NOTCH2NLR: variants seen among roughly 807,000 people sequenced by gnomAD.
NOTCH2NLR encodes notch 2 N-terminal like R, also known as notch 2 N-terminal like R (pseudogene).
In NOTCH2NLR, 33 loss-of-function variants were observed where a neutral mutation model predicts 35.6. That is an observed-to-expected ratio of 0.93 (90% confidence interval 0.70 to 1.24). The LOEUF is 1.24. Ranked by LOEUF, NOTCH2NLR falls within the 50% of genes most tolerant of loss-of-function variation. The pLI, the probability that NOTCH2NLR is intolerant of heterozygous loss-of-function variation, is 0.00. For synonymous variants in NOTCH2NLR, 103 were observed against 141.0 expected (o/e 0.73, Z 1.91); for missense variants, 276 against 362.2 (o/e 0.76, Z 1.93).
chr1:120,765,403 T>C (rs1651180342), intron 2 of NOTCH2NLR, among the ~76,000 whole-genome samples: 1 of 63,604 alleles, frequency 1.6e-5, no homozygotes, highest in East Asian at 2.9e-4. Context: ...CTTAGTCTTA[T>C]GCATTTTTTG....
rs1651514243 is a variant in NOTCH2NLR at position 120,793,298 on chromosome 1, G to A, written c.553G>A (p.Glu185Lys). 9.3e-6 allele frequency: 13 copies of A among 1,392,834 alleles called. 5 individuals are homozygous for A. Among genetic ancestry groups the A allele is most frequent in the East Asian group, 2.4e-5 (1 of 42,442 alleles). 86.3% of individuals were successfully genotyped at this position (1,392,834 alleles called of 1,614,324 possible). A position where few individuals can be genotyped will look rare whatever the true frequency, so the allele number is the denominator to read the frequency against. Residue 185 changes from glutamate to lysine, a missense_variant, in exon 4 of 5, where the codon GAG (glutamate) becomes AAG (lysine). Coordinates refer to ENST00000624419, the Ensembl canonical transcript of NOTCH2NLR. ...GCAGAAGTGTGAGACTGATGTCAAT[G>A]AGTGTGACATTCCAGGACACTGCCA...
intron 1 of NOTCH2NLR, among the ~76,000 whole-genome samples, chr1:120,743,826 T>A (rs1294029255): frequency 7.9e-6 from 1 of 126,958 alleles, no homozygotes; most frequent in Non-Finnish European, 1.6e-5. Flanking sequence ...ATTTAACAAA[T>A]AGGTTTTGCA....
exon 4 of NOTCH2NLR, chr1:120,793,410 A>T (rs1651516189): frequency 6.9e-7 from 1 of 1,441,836 alleles, no homozygotes; most frequent in Non-Finnish European, 9.3e-7. Context: ...GACAGACTGT[A>T]TGTGCCCTGT....
At position 120,769,608 on chromosome 1, in the gene NOTCH2NLR, A is replaced by G. The variant is rs1272068635; in HGVS notation, c.155+5899A>G. The stretch of plus-strand genomic sequence containing the variant: ...TTGGCTCATTAAATACCTCTCATAG[A>G]GTAATCTTTTCTTAAAATGTAATGT... On this transcript the variant is annotated intron_variant, in intron 2 of 4. Coordinates refer to ENST00000624419, the Ensembl canonical transcript of NOTCH2NLR. Among the ~76,000 whole-genome samples the G allele has an allele frequency of 1.6e-5, 2 of 122,334 alleles. 1 individual carries two copies. The highest frequency in any genetic ancestry group is 3.3e-5 in the Non-Finnish European group (2 of 61,368). The allele number at this position is 122,334 out of a possible 152,430, so 80.3% of individuals were successfully genotyped here. A position where few individuals can be genotyped will look rare whatever the true frequency, so the allele number is the denominator to read the frequency against.
At chr1:120,794,210 C>A (rs1307076342), downstream of NOTCH2NLR, among the ~76,000 whole-genome samples, 1 of 115,748 alleles carries the variant, frequency 8.6e-6, no homozygotes, top group Non-Finnish European at 1.6e-5. Flanking sequence ...GCACACACAA[C>A]CCAAAGATAG....
At chr1:120,762,441 G>A (rs1403315030) in intron 1 of NOTCH2NLR, among the ~76,000 whole-genome samples, 60,288 of 88,698 alleles carry the variant, frequency 0.68, 23,951 homozygotes, top group Non-Finnish European at 0.74. Flanking sequence ...TACTGGTTTC[G>A]TGGCCAGGGA....
At position 120,790,701 on chromosome 1, in the gene NOTCH2NLR, G is replaced by A. The variant is rs1262866373; in HGVS notation, c.416-2460G>A. Among the ~76,000 whole-genome samples, 219 of 110,924 alleles carry A rather than the reference G, an allele frequency of 2.0e-3. 74 individuals are homozygous for A. The highest frequency in any genetic ancestry group is 0.012 in the African/African-American group (213 of 17,842). 72.8% of individuals were successfully genotyped at this position (110,924 alleles called of 152,430 possible). On this transcript the variant is annotated intron_variant, in intron 3 of 4. Coordinates refer to ENST00000624419, the Ensembl canonical transcript of NOTCH2NLR. ...TGCAACCTCCACCTCTTGGGTTCGA[G>A]TGATTCTTGTGCCTCAGCCTCCCAG...
chr1:120,739,050 G>T (rs1650930542), intron 1 of NOTCH2NLR, among the ~76,000 whole-genome samples: 1 of 100,122 alleles, frequency 1.0e-5, no homozygotes, highest in East Asian at 2.2e-4. Flanking sequence ...CATGTAAAAT[G>T]ATTGGAATGC....
At chr1:120,784,660 AT>A (rs1221842022) in intron 2 of NOTCH2NLR, among the ~76,000 whole-genome samples, 1 of 116,348 alleles carries the variant, frequency 8.6e-6, no homozygotes, top group Non-Finnish European at 1.6e-5. Flanking sequence ...TTCCTGTTTA[AT>A]TTTTTTTCAC....
chr1:120,763,616 T>G lies in NOTCH2NLR; in HGVS notation c.74-12T>G. The G allele has an allele frequency of 7.7e-7, 1 of 1,297,274 alleles. No individual in the cohort carries two copies. Among genetic ancestry groups the G allele is most frequent in the Non-Finnish European group, 1.0e-6 (1 of 953,912 alleles). The allele number at this position is 1,297,274 out of a possible 1,614,324, so 80.4% of individuals were successfully genotyped here. On this transcript the variant is annotated splice_polypyrimidine_tract_variant and intron_variant, in intron 1 of 4. Coordinates refer to ENST00000624419, the Ensembl canonical transcript of NOTCH2NLR. Reference sequence around the variant, plus strand: ...TGACTTACTTCTAATGTGCATTTGTTTTTATTTTTAGCATTGCAGTGTCGA... The same window carrying G: ...TGACTTACTTCTAATGTGCATTTGTGTTTATTTTTAGCATTGCAGTGTCGA...
rs1299553815 is a variant in NOTCH2NLR, at chr1:120,781,713, G to A, written c.156-3261G>A. On this transcript the variant is annotated intron_variant, in intron 2 of 4. Coordinates refer to ENST00000624419, the Ensembl canonical transcript of NOTCH2NLR. ...CGAGTAGCTGGGACTACAGGCGCCT[G>A]CCACCACGCCTGGCTAATTTTTTAT... Among the ~76,000 whole-genome samples, 66 of 100,100 alleles carry A rather than the reference G, an allele frequency of 6.6e-4. 8 individuals are homozygous for A. The East Asian group carries it at 7.8e-3, about 12-fold the overall frequency. 65.7% of individuals were successfully genotyped at this position (100,100 alleles called of 152,430 possible).
rs1487668418 is a variant in NOTCH2NLR, at chr1:120,728,621, C to A, written c.73+4371C>A. 1.7e-5 allele frequency among the ~76,000 whole-genome samples: 2 copies of A among 117,096 alleles called. 1 individual carries two copies. Among genetic ancestry groups the A allele is most frequent in the Non-Finnish European group, 3.3e-5 (2 of 61,102 alleles). 76.8% of individuals were successfully genotyped at this position (117,096 alleles called of 152,430 possible). ...AGGCCAGCAATTTCTGTTATTTTGT[C>A]CAGAATAGCCACACCTTACTGTAAT... On this transcript the variant is annotated intron_variant, in intron 1 of 4. Coordinates refer to ENST00000624419, the Ensembl canonical transcript of NOTCH2NLR.
chr1:120,724,736 A>T lies in NOTCH2NLR; in HGVS notation c.73+486A>T. On this transcript the variant is annotated intron_variant, in intron 1 of 4. Coordinates refer to ENST00000624419, the Ensembl canonical transcript of NOTCH2NLR. ...AGCCTCGCCTTTGCCAGGGGGCGGC[A>T]CATGGGCCGGGTGTGTGGGCTTGGT... Among the ~76,000 whole-genome samples, 2 of 121,780 alleles carry T rather than the reference A, an allele frequency of 1.6e-5. 1 individual carries two copies. The highest frequency in any genetic ancestry group is 3.3e-5 in the Non-Finnish European group (2 of 60,546). The allele number at this position is 121,780 out of a possible 152,430, so 79.9% of individuals were successfully genotyped here.
At chr1:120,778,255 A>G (rs1458500153) in intron 2 of NOTCH2NLR, among the ~76,000 whole-genome samples, 1 of 49,204 alleles carries the variant, frequency 2.0e-5, no homozygotes, top group Non-Finnish European at 3.4e-5. Flanking sequence ...TACCTTAATG[A>G]CAGCTCCCCC....
chr1:120,724,373 C>T lies in NOTCH2NLR; in HGVS notation c.73+123C>T, dbSNP rs1650791244. ...GCTCGGCCGCCGGCGCGGAGTGAGG[C>T]CACTCGCTGGGTTCCCAAGAGTTTG... On this transcript the variant is annotated intron_variant, in intron 1 of 4. Transcript: ENST00000624419. The T allele has an allele frequency of 3.4e-5, 46 of 1,347,760 alleles. 10 individuals are homozygous for T. The South Asian group carries it at 6.0e-4, about 18-fold the overall frequency. 83.5% of individuals were successfully genotyped at this position (1,347,760 alleles called of 1,614,324 possible). A position where few individuals can be genotyped will look rare whatever the true frequency, so the allele number is the denominator to read the frequency against.
intron 1 of NOTCH2NLR, among the ~76,000 whole-genome samples, chr1:120,750,278 T>C (rs1350687082): frequency 3.2e-5 from 1 of 30,938 alleles, no homozygotes; most frequent in Non-Finnish European, 5.7e-5. Flanking sequence ...ACATGCCTCA[T>C]AGTGTTGTTG....
At chr1:120,727,523 C>A (rs1434202525) in intron 1 of NOTCH2NLR, among the ~76,000 whole-genome samples, 1 of 105,646 alleles carries the variant, frequency 9.5e-6, no homozygotes, top group Non-Finnish European at 1.8e-5. Context: ...ATAATAAATT[C>A]TCCACCTCTC....
Position 120,728,583 on chromosome 1 carries a change from T to C in NOTCH2NLR, c.73+4333T>C, listed in dbSNP as rs1290281498. Among the ~76,000 whole-genome samples, 46 of 117,924 alleles carry C rather than the reference T, an allele frequency of 3.9e-4. 7 individuals are homozygous for C. The East Asian group carries it at 8.0e-3, about 20-fold the overall frequency. 77.4% of individuals were successfully genotyped at this position (117,924 alleles called of 152,430 possible). Reference sequence around the variant, plus strand: ...AAGTTTGCTTCCACTGCTTCCTGTATTACTGTATTACTAGGCCAGCAATTT... The same window carrying C: ...AAGTTTGCTTCCACTGCTTCCTGTACTACTGTATTACTAGGCCAGCAATTT... On this transcript the variant is annotated intron_variant, in intron 1 of 4. Transcript: ENST00000624419.
chr1:120,729,879 T>TTTTG (rs1405631196), intron 1 of NOTCH2NLR, among the ~76,000 whole-genome samples: 21 of 103,854 alleles, frequency 2.0e-4, no homozygotes, highest in South Asian at 8.8e-4. Context: ...AAGTGTTTGT[T>TTTTG]TTTGTTTGTT....
Sources: gnomAD v4.1 joint callset for allele counts (sites outside exome capture counted in the v4.1 genomes callset) on GRCh38, gnomAD v4.1.1 for gene constraint, MANE v1.5 for transcripts, NCBI Gene and HGNC (gene_info 2026-07-23, HGNC 2026-07-21) for gene names.